Variants in MTMR8 observed in about 807,000 individuals in gnomAD.
MTMR8 encodes phosphatidylinositol-3,5-bisphosphate 3-phosphatase MTMR8.
MTMR8 carries 65 observed loss-of-function variants against 39.3 expected under a neutral mutation model. The observed-to-expected ratio is 1.65, with a 90% CI of 1.35 to 2.03. The LOEUF (loss-of-function observed/expected upper bound fraction) is 2.03, where lower values mean the gene tolerates loss of function less well. Ranked by LOEUF, MTMR8 falls within the 30% of genes most tolerant of loss-of-function variation. MTMR8 has a pLI of 0.00. For synonymous variants in MTMR8, 245 were observed against 185.2 expected (o/e 1.32, Z -2.62); for missense variants, 777 against 538.9 (o/e 1.44, Z -4.37).
At chrX:64,296,236 C>A (rs150298524) in intron 12 of MTMR8, among the ~76,000 whole-genome samples, 1 of 111,295 alleles carries the variant, frequency 9.0e-6, no homozygotes, top group Non-Finnish European at 1.9e-5. Flanking sequence ...TCTATGACTT[C>A]ACTTACATGA....
At chrX:64,314,336 C>T (rs1355265315) in intron 12 of MTMR8, among the ~76,000 whole-genome samples, 1 of 112,756 alleles carries the variant, frequency 8.9e-6, no homozygotes, top group Non-Finnish European at 1.9e-5. Flanking sequence ...TGCCAGCATG[C>T]CTGCCTCCAT....
intron 12 of MTMR8, among the ~76,000 whole-genome samples, chrX:64,300,632 G>T (rs1396526866): frequency 2.0e-5 from 2 of 100,471 alleles, no homozygotes. Context: ...ATGTTAGCTG[G>T]TGATTTTGCT....
chrX:64,352,185 C>T (rs994326347), intron 4 of MTMR8, among the ~76,000 whole-genome samples: 3 of 111,191 alleles, frequency 2.7e-5, no homozygotes, highest in Non-Finnish European at 5.7e-5. Flanking sequence ...GAGCACTTTG[C>T]CTCTAATGAG....
intron 8 of MTMR8, among the ~76,000 whole-genome samples, chrX:64,337,799 C>G (rs1442200581): frequency 8.9e-6 from 1 of 111,801 alleles, no homozygotes; most frequent in Non-Finnish European, 1.9e-5. Context: ...TTTAGTGTTA[C>G]TAACACAAAT....
At chrX:64,363,930 G>T (rs1426708528) in intron 1 of MTMR8, among the ~76,000 whole-genome samples, 1 of 112,592 alleles carries the variant, frequency 8.9e-6, no homozygotes, top group African/African-American at 3.2e-5. Flanking sequence ...CACACCAGGA[G>T]ATTATATCCC....
intron 12 of MTMR8, among the ~76,000 whole-genome samples, chrX:64,308,860 T>A (rs1922210011): frequency 8.9e-6 from 1 of 111,849 alleles, no homozygotes. Context: ...AAAAAGACTT[T>A]CCTTTCTCTG....
At chrX:64,366,436 C>A (rs1923960426) in intron 1 of MTMR8, among the ~76,000 whole-genome samples, 1 of 112,186 alleles carries the variant, frequency 8.9e-6, no homozygotes, top group South Asian at 3.7e-4. Context: ...CAAATTAGAA[C>A]TCAGGGTTAA....
At chrX:64,296,511 C>A (rs1006826172) in intron 12 of MTMR8, among the ~76,000 whole-genome samples, 2 of 108,390 alleles carry the variant, frequency 1.8e-5, no homozygotes, top group Non-Finnish European at 3.8e-5. Flanking sequence ...TACCATGGGG[C>A]CAGAGGACGG....
intron 12 of MTMR8, among the ~76,000 whole-genome samples, chrX:64,326,175 T>C (rs952857854): frequency 1.8e-5 from 2 of 111,299 alleles, no homozygotes; most frequent in African/African-American, 6.5e-5. Flanking sequence ...TTGTGTTGAG[T>C]AGGCGGAGGA....
chrX:64,274,302 G>A (rs906914965), intron 12 of MTMR8, among the ~76,000 whole-genome samples: 8 of 111,948 alleles, frequency 7.1e-5, no homozygotes, highest in Non-Finnish European at 1.5e-4. Context: ...TAGCATAAAG[G>A]AAACTTGTAA....
At position 64,313,491 on chromosome X, in the gene MTMR8, C is replaced by T. The variant is rs191815772; in HGVS notation, c.1481+15281G>A. ...CGTTTGTGTTTTCACTAGAGTAGCACTTTTAATTTCCTTCAAGAACTTTTC... is the reference window on the plus strand; with the variant it reads ...CGTTTGTGTTTTCACTAGAGTAGCATTTTTAATTTCCTTCAAGAACTTTTC... On this transcript the variant is annotated intron_variant, in intron 12 of 13. Coordinates refer to ENST00000374852, the MANE Select transcript of MTMR8 (RefSeq NM_017677.4). Among the ~76,000 whole-genome samples, 61 of 112,748 alleles carry T rather than the reference C, an allele frequency of 5.4e-4. 1 individual carries two copies. In the East Asian group the frequency reaches 0.014, roughly 26 times the overall value.
chrX:64,285,908 T>C (rs775216370), intron 12 of MTMR8, among the ~76,000 whole-genome samples: 2 of 110,469 alleles, frequency 1.8e-5, no homozygotes, highest in South Asian at 7.8e-4. Flanking sequence ...ACATCACAAT[T>C]AAAAGAACTA....
chrX:64,331,517 CCTT>C, intron 11 of MTMR8, 37 bp downstream of exon 11: 1 of 1,164,073 alleles, frequency 8.6e-7, no homozygotes, highest in African/African-American at 1.8e-5. Context: ...GCACTGACCA[CCTT>C]CTCCCTGTTC....
chrX:64,289,472 T>C (rs1195364261), intron 12 of MTMR8, among the ~76,000 whole-genome samples: 1 of 108,721 alleles, frequency 9.2e-6, no homozygotes, highest in African/African-American at 3.4e-5. Context: ...ACCCTGTCTC[T>C]ACAAAAATAA....
At chrX:64,355,031 G>T in intron 3 of MTMR8, 97 bp from the exon 4 acceptor site, 6 of 804,906 alleles carry the variant, frequency 7.5e-6, no homozygotes, top group South Asian at 3.2e-5. Context: ...TTTCCTAAGG[G>T]AATGTTTGTC....
chrX:64,275,653 A>G, intron 12 of MTMR8, among the ~76,000 whole-genome samples: 1 of 109,184 alleles, frequency 9.2e-6, no homozygotes, highest in African/African-American at 3.3e-5. Context: ...TCTCTCAAAA[A>G]AAAAAAAAAA....
At chrX:64,348,257 T>C (rs1422542086) in intron 6 of MTMR8, among the ~76,000 whole-genome samples, 1 of 109,142 alleles carries the variant, frequency 9.2e-6, no homozygotes, top group African/African-American at 3.4e-5. Flanking sequence ...AACACATTTA[T>C]AGAAAAAAAA....
chrX:64,371,202 G>A (rs936919548), intron 1 of MTMR8, among the ~76,000 whole-genome samples: 3 of 111,417 alleles, frequency 2.7e-5, no homozygotes, highest in African/African-American at 9.8e-5. Context: ...TATTAATCTT[G>A]TAAAGTATAA....
intron 12 of MTMR8, among the ~76,000 whole-genome samples, chrX:64,278,972 C>A (rs1426370954): frequency 9.0e-6 from 1 of 111,508 alleles, no homozygotes; most frequent in African/African-American, 3.3e-5. Flanking sequence ...CTGCCAGATG[C>A]CAGCCAGAGC....
Sources: allele counts gnomAD v4.1 joint callset (sites outside exome capture counted in the v4.1 genomes callset), GRCh38; gene constraint gnomAD v4.1.1; transcripts MANE v1.5; gene names NCBI Gene and HGNC (gene_info 2026-07-23, HGNC 2026-07-21).